Variants in ATG4D observed in about 807,000 individuals in gnomAD.
The protein encoded by ATG4D is autophagy related 4D cysteine peptidase.
ATG4D carries 51 observed loss-of-function variants against 55.2 expected under a neutral mutation model. The observed-to-expected ratio is 0.92, with a 90% CI of 0.74 to 1.17. The LOEUF is 1.17. ATG4D is among the 50% of genes most tolerant of loss of function. The pLI, the probability that ATG4D is intolerant of heterozygous loss-of-function variation, is 0.00. For synonymous variants in ATG4D, 268 were observed against 266.2 expected (o/e 1.01, Z -0.07); for missense variants, 635 against 649.6 (o/e 0.98, Z 0.25).
At chr19:10,547,141 G>C (rs1429627007) in intron 4 of ATG4D, 26 bp downstream of exon 4, 1 of 1,610,604 alleles carries the variant, frequency 6.2e-7, no homozygotes, top group East Asian at 2.2e-5. Context: ...GGGATCACGG[G>C]AGTTGCTGGG....
intron 5 of ATG4D, among the ~76,000 whole-genome samples, chr19:10,548,526 G>A (rs1186356982): frequency 6.6e-6 from 1 of 152,120 alleles, no homozygotes; most frequent in Admixed American, 6.6e-5. Flanking sequence ...CAGGATATTT[G>A]GTTTAGGGGC....
At chr19:10,548,322 C>G (rs1057130973) in intron 5 of ATG4D, among the ~76,000 whole-genome samples, 3 of 151,780 alleles carry the variant, frequency 2.0e-5, no homozygotes, top group Admixed American at 6.6e-5. Flanking sequence ...CTGGAGCCAC[C>G]GTGCCCGGCT....
At chr19:10,550,617 C>T (rs1024794841) in intron 6 of ATG4D, among the ~76,000 whole-genome samples, 1 of 152,076 alleles carries the variant, frequency 6.6e-6, no homozygotes, top group African/African-American at 2.4e-5. Flanking sequence ...CCACAGGGGC[C>T]TCCTCACCTA....
At position 10,548,998 on chromosome 19, in the gene ATG4D, C is replaced by T. The variant is rs1380773757; in HGVS notation, c.930C>T (p.Gly310=). The change falls in exon 6 of 10, where the codon GGC becomes GGT. Residue 310 remains glycine, a synonymous_variant. Transcript: ENST00000309469. Reference sequence around the variant, plus strand: ...TCCTGGTGCCCGTGCGACTGGGTGGCGAGACTCTCAACCCCGTGTATGTGC... The same window carrying T: ...TCCTGGTGCCCGTGCGACTGGGTGGTGAGACTCTCAACCCCGTGTATGTGC... The part of the protein sequence containing the change: ...VVILVPVRLG[G]ETLNPVYVPC... 9.9e-6 allele frequency: 16 copies of T among 1,614,038 alleles called. No homozygotes were observed. The highest frequency in any genetic ancestry group is 1.6e-4 in the Middle Eastern group (1 of 6,062).
rs1320717270 is a variant in ATG4D, at chr19:10,544,263, A to T, written c.173A>T (p.Glu58Val). 3 of 1,270,172 alleles carry T rather than the reference A, an allele frequency of 2.4e-6. No individual in the cohort carries two copies. The highest frequency in any genetic ancestry group is 3.0e-6 in the Non-Finnish European group (3 of 1,000,158). The allele number at this position is 1,270,172 out of a possible 1,614,324, so 78.7% of individuals were successfully genotyped here. The change falls in exon 1 of 10, where the codon GAG becomes GTG. Residue 58 changes from glutamate to valine, a missense_variant. Transcript: ENST00000309469. The part of the protein sequence containing the change: ...ALGSPGAGPS[E>V]PDEVDKFKAK... ...GGCTCTCCCGGGGCTGGCCCGAGTG[A>T]GCCGGACGAAGTGGACAAGTTCAAG...
chr19:10,544,226 G>A lies in ATG4D; in HGVS notation c.136G>A (p.Gly46Ser). Reference sequence around the variant, plus strand: ...CGGCCTGGGGCCTTCCGGAGCCAGCGGCCCCGCTCTTGGCTCTCCCGGGGC... The same window carrying A: ...CGGCCTGGGGCCTTCCGGAGCCAGCAGCCCCGCTCTTGGCTCTCCCGGGGC... ...PNGLGPSGAS[G>S]PALGSPGAGP... Residue 46 changes from glycine to serine, a missense_variant, in exon 1 of 10, where the codon GGC becomes AGC. Physicochemically the swap from Gly to Ser is moderately conservative, Grantham distance 56. Transcript: ENST00000309469. 8.0e-7 allele frequency: 1 copy of A among 1,254,928 alleles called. No homozygotes were observed. Among genetic ancestry groups the A allele is most frequent in the Non-Finnish European group, 1.0e-6 (1 of 991,642 alleles). The allele number at this position is 1,254,928 out of a possible 1,614,324, so 77.7% of individuals were successfully genotyped here. A position where few individuals can be genotyped will look rare whatever the true frequency, so the allele number is the denominator to read the frequency against.
intron 5 of ATG4D, 81 bp downstream of exon 5, chr19:10,547,334 C>T: frequency 6.6e-7 from 1 of 1,521,176 alleles, no homozygotes; most frequent in African/African-American, 1.4e-5. Context: ...GTGCATCTTC[C>T]TCAGAGGCTG....
At chr19:10,544,439 C>A in intron 1 of ATG4D, 114 bp downstream of exon 1, 1 of 1,043,442 alleles carries the variant, frequency 9.6e-7, no homozygotes, top group Non-Finnish European at 1.3e-6. Context: ...TGTGGGTCCC[C>A]TCCCTGCCCG....
intron 5 of ATG4D, among the ~76,000 whole-genome samples, chr19:10,547,995 C>A (rs1237172303): frequency 8.1e-6 from 1 of 123,926 alleles, no homozygotes; most frequent in Non-Finnish European, 1.7e-5. Flanking sequence ...CTGTGCCCAG[C>A]CCCTGTAATT....
rs1038898926 is a variant in ATG4D at position 10,552,958 on chromosome 19, G to A, written c.1316G>A (p.Ser439Asn). 5 of 1,613,602 alleles carry A rather than the reference G, an allele frequency of 3.1e-6. No homozygotes were observed. The Admixed American group carries it at 8.3e-5, about 27-fold the overall frequency. ...GCCGAGGGCCATGCTCAGGACCACA[G>A]CCTGGACGACCTCTGCTCCCAGCTC... is the stretch of plus-strand genomic sequence containing the variant. Reference protein sequence around the residue: ...TLAEGHAQDHSLDDLCSQLAQ... With the variant: ...TLAEGHAQDHNLDDLCSQLAQ... The change falls in exon 10 of 10, where the codon AGC (serine) becomes AAC (asparagine). Residue 439 changes from serine to asparagine, a missense_variant. Physicochemically the swap from Ser to Asn is conservative, Grantham distance 46 (BLOSUM62 1). Transcript: ENST00000309469.
chr19:10,550,557 G>T (rs561295772), intron 6 of ATG4D, among the ~76,000 whole-genome samples: 1 of 151,916 alleles, frequency 6.6e-6, no homozygotes, highest in African/African-American at 2.4e-5. Context: ...TCTTGATGTC[G>T]GGATATCCCC....
chr19:10,551,880 T>C lies in ATG4D; in HGVS notation c.967-17T>C, dbSNP rs1158912249. 6 of 1,613,524 alleles carry C rather than the reference T, an allele frequency of 3.7e-6. No homozygotes were observed. The South Asian group carries it at 6.6e-5, about 18-fold the overall frequency. On this transcript the variant is annotated splice_polypyrimidine_tract_variant and intron_variant, in intron 6 of 9. Coordinates refer to ENST00000309469, the MANE Select transcript of ATG4D (RefSeq NM_032885.6). ...GAGTGGCTGCCTGACAGCACCTGCC[T>C]ACCCTCCTCCCTGCAGGAACTCCTG...
intron 3 of ATG4D, among the ~76,000 whole-genome samples, chr19:10,545,866 CAA>C (rs879685414): frequency 2.3e-5 from 3 of 129,096 alleles, no homozygotes; most frequent in African/African-American, 5.7e-5. Flanking sequence ...GACTCAGTCT[CAA>C]AAAAAAAAAA....
rs924795975 is a variant in ATG4D, at chr19:10,547,023, C to A, written c.678C>A (p.Pro226=). The part of the protein sequence containing the change: ...VSWFADHPRA[P]FGLHRLVELG... ...GGTTCGCCGACCACCCCCGGGCCCC[C>A]TTTGGCCTACACCGGCTGGTGGAGC... The change falls in exon 4 of 10, where the codon CCC becomes CCA. Residue 226 remains proline, a synonymous_variant. Coordinates refer to ENST00000309469, the MANE Select transcript of ATG4D (RefSeq NM_032885.6). The A allele has an allele frequency of 2.5e-6, 4 of 1,587,508 alleles. No individual in the cohort carries two copies. The African/African-American group carries it at 5.4e-5, about 21-fold the overall frequency.
rs1916065876 is a variant in ATG4D at position 10,547,242 on chromosome 19, A to G, written c.824A>G (p.Gln275Arg). ...DVTRLVVYVS[Q>R]DCTVYKADVA... Reference sequence around the variant, plus strand: ...ACCCGCCTGGTGGTGTACGTTTCTCAGGACTGCACAGGTAAGGGGCTGGGA... The same window carrying G: ...ACCCGCCTGGTGGTGTACGTTTCTCGGGACTGCACAGGTAAGGGGCTGGGA... Residue 275 changes from glutamine (Q) to arginine (R), a missense_variant, in exon 5 of 10, where the codon CAG becomes CGG. Coordinates refer to ENST00000309469, the MANE Select transcript of ATG4D (RefSeq NM_032885.6). 2 of 1,613,698 alleles carry G rather than the reference A, an allele frequency of 1.2e-6. No individual in the cohort carries two copies. The highest frequency in any genetic ancestry group is 1.7e-6 in the Non-Finnish European group (2 of 1,179,792).
At chr19:10,546,680 A>G (rs116509646) in intron 3 of ATG4D, among the ~76,000 whole-genome samples, 159 bp from the exon 4 acceptor site, 2,650 of 152,122 alleles carry the variant, frequency 0.017, 62 homozygotes, top group African/African-American at 0.055. Context: ...GTAACAAAAA[A>G]TAAATAAATA....
intron 3 of ATG4D, among the ~76,000 whole-genome samples, chr19:10,546,339 T>TATG (rs1916028899): frequency 6.7e-6 from 1 of 150,192 alleles, no homozygotes; most frequent in African/African-American, 2.5e-5. Context: ...TTATTTTATT[T>TATG]ATTATTATTA....
At chr19:10,550,811 A>C (rs1337929246) in intron 6 of ATG4D, among the ~76,000 whole-genome samples, 2 of 146,042 alleles carry the variant, frequency 1.4e-5, no homozygotes, top group Admixed American at 1.5e-4. Context: ...TCCTGGGTTC[A>C]TGCCATTCTC....
chr19:10,545,160 G>A, intron 3 of ATG4D, 30 bp downstream of exon 3: 1 of 1,601,820 alleles, frequency 6.2e-7, no homozygotes, highest in Non-Finnish European at 8.5e-7. Context: ...GGGTGCACTA[G>A]GAGTACAGGG....
Sources: allele counts gnomAD v4.1 joint callset (sites outside exome capture counted in the v4.1 genomes callset), GRCh38; gene constraint gnomAD v4.1.1; transcripts MANE v1.5; gene names NCBI Gene and HGNC (gene_info 2026-07-23, HGNC 2026-07-21).